Variants in NEGR1 observed in about 807,000 individuals in gnomAD.
The protein encoded by NEGR1 is IgLON family member 4.
A neutral mutation model predicts 40.9 loss-of-function variants in NEGR1; 10 were observed. The ratio of observed to expected loss-of-function variants is 0.24; its 90% CI spans 0.15 to 0.42. The LOEUF (loss-of-function observed/expected upper bound fraction) is 0.42, where lower values mean the gene tolerates loss of function less well. Among genes scored for constraint, NEGR1 ranks in the 10% least tolerant of loss-of-function variants. The pLI, the probability that NEGR1 is intolerant of heterozygous loss-of-function variation, is 1.00. For missense variants in NEGR1, 352 were observed against 438.9 expected, an observed-to-expected ratio of 0.80 and a Z score of 1.77; for synonymous variants, 185 against 166.8, an observed-to-expected ratio of 1.11 and a Z score of -0.84.
chr1:71,792,913 T>A (rs539815681), intron 2 of NEGR1, among the ~76,000 whole-genome samples: 2 of 152,164 alleles, frequency 1.3e-5, no homozygotes, highest in South Asian at 4.1e-4. Flanking sequence ...GCTAATTGAT[T>A]ACCAAGTTCA....
intron 2 of NEGR1, among the ~76,000 whole-genome samples, chr1:71,807,635 T>C (rs1657825865): frequency 1.3e-5 from 2 of 152,334 alleles, no homozygotes; most frequent in South Asian, 4.1e-4. Flanking sequence ...TTTATGCTTT[T>C]TCTGCATTTA....
At chr1:71,949,510 A>G (rs556024682) in intron 1 of NEGR1, among the ~76,000 whole-genome samples, 2 of 152,298 alleles carry the variant, frequency 1.3e-5, no homozygotes, top group South Asian at 4.1e-4. Flanking sequence ...TTTGAATACT[A>G]TAAGAACTCC....
chr1:71,554,834 T>G (rs1368047826), intron 6 of NEGR1, among the ~76,000 whole-genome samples: 3 of 151,482 alleles, frequency 2.0e-5, no homozygotes, highest in Non-Finnish European at 3.0e-5. Flanking sequence ...GGTAGAGCCT[T>G]CTGGAAGATT....
intron 6 of NEGR1, among the ~76,000 whole-genome samples, chr1:71,420,788 C>T (rs1238382615): frequency 2.0e-5 from 3 of 151,998 alleles, no homozygotes; most frequent in African/African-American, 4.8e-5. Context: ...TATTTTGCTT[C>T]ATGCTTTTAT....
intron 1 of NEGR1, among the ~76,000 whole-genome samples, chr1:72,264,647 A>C (rs1557604606): frequency 8.6e-5 from 13 of 150,816 alleles, no homozygotes; most frequent in Admixed American, 7.3e-4. Flanking sequence ...TGGAAACTAA[A>C]TAATTTTAGA....
intron 4 of NEGR1, among the ~76,000 whole-genome samples, chr1:71,624,906 G>A (rs943608998): frequency 9.9e-5 from 15 of 151,778 alleles, no homozygotes; most frequent in East Asian, 1.9e-4. Context: ...CTCCCCTCTC[G>A]CATTGGAATG....
intron 1 of NEGR1, among the ~76,000 whole-genome samples, chr1:71,958,396 C>T (rs530651285): frequency 7.9e-5 from 12 of 152,188 alleles, no homozygotes; most frequent in Middle Eastern, 6.8e-3. Flanking sequence ...GGAAATAAAA[C>T]TTTTGTCTCT....
In NEGR1 at chr1:71,403,290, T is replaced by C. The variant is rs1278431888; in HGVS notation, c.*4156A>G. 6.6e-6 allele frequency: 1 copy of C among 152,042 alleles called. No individual in the cohort carries two copies. The highest frequency in any genetic ancestry group is 1.5e-5 in the Non-Finnish European group (1 of 67,940). The allele number at this position is 152,042 out of a possible 1,614,324, so 9.4% of individuals were successfully genotyped here. On this transcript the variant is annotated 3_prime_UTR_variant, in exon 7 of 7. Coordinates refer to ENST00000357731, the MANE Select transcript of NEGR1 (RefSeq NM_173808.3). The stretch of plus-strand genomic sequence containing the variant: ...TTTAAGGAAATTGTATCTGAATACC[T>C]TCAGGTGCCCGTTGTTTTATACCCA...
intron 2 of NEGR1, among the ~76,000 whole-genome samples, chr1:71,863,377 A>G (rs149929507): frequency 2.6e-5 from 4 of 152,258 alleles, no homozygotes; most frequent in African/African-American, 9.6e-5. Flanking sequence ...AGGTCCTCAT[A>G]TAAGTGGGAG....
intron 3 of NEGR1, among the ~76,000 whole-genome samples, chr1:71,743,123 G>C (rs559242674): frequency 6.6e-6 from 1 of 152,302 alleles, no homozygotes; most frequent in African/African-American, 2.4e-5. Flanking sequence ...GGACTTTCCA[G>C]CCTCTGAAAC....
chr1:72,168,497 A>G (rs1651848063), intron 1 of NEGR1, among the ~76,000 whole-genome samples: 2 of 152,098 alleles, frequency 1.3e-5, no homozygotes, highest in African/African-American at 4.8e-5. Context: ...CTTCAAGTTA[A>G]CATTTTTAAG....
chr1:72,138,724 CA>C (rs1650562026), intron 1 of NEGR1, among the ~76,000 whole-genome samples: 1 of 151,810 alleles, frequency 6.6e-6, no homozygotes, highest in Non-Finnish European at 1.5e-5. Flanking sequence ...ATACATGAAG[CA>C]AAAACTGCTA....
At chr1:72,189,324 A>G (rs530865896) in intron 1 of NEGR1, among the ~76,000 whole-genome samples, 50 of 151,446 alleles carry the variant, frequency 3.3e-4, no homozygotes, top group African/African-American at 9.7e-4. Context: ...GGAATTTCAG[A>G]CTTCTTCTCA....
At chr1:72,161,676 C>CTTTTTTT (rs779074685) in intron 1 of NEGR1, among the ~76,000 whole-genome samples, 29 of 84,544 alleles carry the variant, frequency 3.4e-4, no homozygotes, top group African/African-American at 6.6e-4. Context: ...TTCTTTCTTT[C>CTTTTTTT]TTTTTTTTTT....
chr1:72,007,688 T>C (rs1646620144), intron 1 of NEGR1, among the ~76,000 whole-genome samples: 1 of 152,196 alleles, frequency 6.6e-6, no homozygotes, highest in South Asian at 2.1e-4. Flanking sequence ...TACTATAATT[T>C]CTTCTGCTCA....
intron 6 of NEGR1, among the ~76,000 whole-genome samples, chr1:71,525,480 C>G (rs1647206363): frequency 6.6e-6 from 1 of 151,698 alleles, no homozygotes; most frequent in South Asian, 2.1e-4. Context: ...TTCAATTCTT[C>G]TAATTTCCCA....
At chr1:71,439,790 T>C (rs1646534469) in intron 6 of NEGR1, 1 of 152,188 alleles carries the variant, frequency 6.6e-6, no homozygotes, top group African/African-American at 2.4e-5. Context: ...TTTCTTATTT[T>C]AATCATTCTA....
At chr1:71,966,746 C>G (rs558838913) in intron 1 of NEGR1, among the ~76,000 whole-genome samples, 2 of 152,220 alleles carry the variant, frequency 1.3e-5, no homozygotes, top group African/African-American at 4.8e-5. Context: ...GCAGGCAAGT[C>G]AAAATTCCTG....
intron 4 of NEGR1, among the ~76,000 whole-genome samples, chr1:71,640,461 T>C (rs1011621403): frequency 2.6e-5 from 4 of 152,060 alleles, no homozygotes; most frequent in Non-Finnish European, 5.9e-5. Context: ...ACAACATGAA[T>C]GCAATATCCT....
Sources: allele counts gnomAD v4.1 joint callset (sites outside exome capture counted in the v4.1 genomes callset), GRCh38; gene constraint gnomAD v4.1.1; transcripts MANE v1.5; gene names NCBI Gene and HGNC (gene_info 2026-07-23, HGNC 2026-07-21).